Variants in DISC1 observed in about 807,000 individuals in gnomAD.
The protein encoded by DISC1 is disrupted in schizophrenia 1 protein.
A neutral mutation model predicts 84.5 loss-of-function variants in DISC1; 57 were observed. That is an observed-to-expected ratio of 0.67 (90% CI 0.55 to 0.84). The LOEUF (loss-of-function observed/expected upper bound fraction) is 0.84. Among genes scored for constraint, DISC1 ranks in the 40% least tolerant of loss-of-function variants. DISC1 has a pLI of 0.00. For missense variants in DISC1, 1,000 were observed against 1,057.8 expected (o/e 0.95, Z 0.76); for synonymous variants, 411 against 415.2 (o/e 0.99, Z 0.12).
chr1:231,818,340 T>G lies in DISC1; in HGVS notation c.1804T>G (p.Trp602Gly), dbSNP rs1158265964. 3.1e-6 allele frequency: 5 copies of G among 1,613,976 alleles called. No individual in the cohort carries two copies. The highest frequency in any genetic ancestry group is 4.2e-6 in the Non-Finnish European group (5 of 1,179,874). Residue 602 changes from tryptophan to glycine, a missense_variant, in exon 9 of 13, where the codon TGG (tryptophan) becomes GGG (glycine). Around this residue, in one of 3 missense-constraint regions of DISC1, gnomAD observed 397 missense variants for 377.5 expected, o/e 1.05. Coordinates refer to ENST00000439617, the MANE Select transcript of DISC1 (RefSeq NM_018662.3). ...ACAACGTGCTGTAGGAAACCATTTC[T>G]GGACGGCTAAAGACCTCACCGAGGA... is the stretch of plus-strand genomic sequence containing the variant. ...KMHAISGNHFWTAKDLTEEIR... is the reference protein window; with the variant it reads ...KMHAISGNHFGTAKDLTEEIR...
intron 10 of DISC1, among the ~76,000 whole-genome samples, chr1:231,988,913 C>T (rs200950173): frequency 1.7e-4 from 26 of 152,310 alleles, no homozygotes; most frequent in South Asian, 1.4e-3. Flanking sequence ...CCATGTGCCC[C>T]GAACAATGCT....
chr1:231,748,371 G>A (rs560623662), intron 3 of DISC1, among the ~76,000 whole-genome samples: 56 of 152,290 alleles, frequency 3.7e-4, no homozygotes, highest in African/African-American at 1.3e-3. Flanking sequence ...TTCACTGTGT[G>A]TTTGTCAGAT....
chr1:231,782,703 C>T lies in DISC1; in HGVS notation c.1634+11633C>T, dbSNP rs149170375. On this transcript the variant is annotated intron_variant, in intron 6 of 12. Coordinates refer to ENST00000439617, the MANE Select transcript of DISC1 (RefSeq NM_018662.3). The stretch of plus-strand genomic sequence containing the variant: ...CTGTAATCCCAGGACTTTGGGAGGC[C>T]GAGGTGGGAGGATCACTTGAGGTCA... Among the ~76,000 whole-genome samples, 219 of 151,998 alleles carry T rather than the reference C, an allele frequency of 1.4e-3. 2 individuals carry two copies. The highest frequency in any genetic ancestry group is 3.4e-3 in the Middle Eastern group (1 of 294).
intron 3 of DISC1, among the ~76,000 whole-genome samples, chr1:231,737,803 C>T (rs941570783): frequency 1.3e-5 from 2 of 152,236 alleles, no homozygotes; most frequent in Admixed American, 6.5e-5. Context: ...GAGCTGGATA[C>T]ATACGCCCGT....
At chr1:231,821,008 A>C (rs1234380765) in intron 9 of DISC1, among the ~76,000 whole-genome samples, 6 of 152,250 alleles carry the variant, frequency 3.9e-5, no homozygotes, top group African/African-American at 1.4e-4. Context: ...TGCTGCATGC[A>C]TCACTTAAAA....
chr1:231,704,457 A>C (rs537923201), intron 3 of DISC1, among the ~76,000 whole-genome samples: 1 of 152,304 alleles, frequency 6.6e-6, no homozygotes, highest in East Asian at 1.9e-4. Flanking sequence ...TTGGTAATGG[A>C]TTAAAATGCA....
Position 232,026,520 on chromosome 1 carries a change from CA to C in DISC1, c.2394del (p.Ala799GlnfsTer20), listed in dbSNP as rs759245129. 1 of 1,606,202 alleles carries C rather than the reference CA, an allele frequency of 6.2e-7. No homozygotes were observed. The highest frequency in any genetic ancestry group is 1.1e-5 in the South Asian group (1 of 89,058). ...TTGTACTTGGAAGATCAACTTCACA[CA>C]GCAATCCACAGTCATGATGAAGATC... ...KLLYLEDQLH[T>X]AIHSHDEDLI... On this transcript the variant is annotated frameshift_variant, in exon 12 of 13. Transcript: ENST00000439617. LOFTEE classifies it high-confidence loss of function.
chr1:231,803,054 T>G (rs1033528870), intron 8 of DISC1, among the ~76,000 whole-genome samples: 5 of 152,146 alleles, frequency 3.3e-5, no homozygotes, highest in Non-Finnish European at 7.3e-5. Context: ...TGACTTAAAA[T>G]ATTACCAGTT....
chr1:231,891,092 G>A (rs185301936), intron 9 of DISC1, among the ~76,000 whole-genome samples: 61 of 152,212 alleles, frequency 4.0e-4, no homozygotes, highest in African/African-American at 1.3e-3. Context: ...GCTAAACCCT[G>A]CCTTCTACTG....
chr1:232,037,750 TCAGTAA>T lies in DISC1; in HGVS notation c.*924_*929del, dbSNP rs1670610864. 1 of 151,866 alleles carries T rather than the reference TCAGTAA, an allele frequency of 6.6e-6. No homozygotes were observed. The highest frequency in any genetic ancestry group is 2.4e-5 in the African/African-American group (1 of 41,220). 9.4% of individuals were successfully genotyped at this position (151,866 alleles called of 1,614,324 possible). A position where few individuals can be genotyped will look rare whatever the true frequency, so the allele number is the denominator to read the frequency against. On this transcript the variant is annotated 3_prime_UTR_variant, in exon 13 of 13. Coordinates refer to ENST00000439617, the MANE Select transcript of DISC1 (RefSeq NM_018662.3). Reference sequence around the variant, plus strand: ...AGTGCTCAGTAAGGCAGTGCAATACTCAGTAACAGTGTAGTACTCAGTAACAGTGAA... The same window carrying T: ...AGTGCTCAGTAAGGCAGTGCAATACTCAGTGTAGTACTCAGTAACAGTGAA...
chr1:231,839,409 G>A (rs996965134), intron 9 of DISC1, among the ~76,000 whole-genome samples: 1 of 152,154 alleles, frequency 6.6e-6, no homozygotes, highest in African/African-American at 2.4e-5. Flanking sequence ...GTATCATAAG[G>A]ACTCAATAAA....
In DISC1 at chr1:231,900,394, A is replaced by G. The variant is rs74144183; in HGVS notation, c.1982-58434A>G. 7.1e-3 allele frequency among the ~76,000 whole-genome samples: 1,076 copies of G among 152,332 alleles called. 10 individuals carry two copies. Among genetic ancestry groups the G allele is most frequent in the African/African-American group, 0.024 (1,008 of 41,580 alleles). ...CAGTTAGAAAAAGTCATCTAGATCT[A>G]AGGGAAGGCTTCAAATAATTCTCCT... On this transcript the variant is annotated intron_variant, in intron 9 of 12. Transcript: ENST00000439617.
intron 10 of DISC1, among the ~76,000 whole-genome samples, chr1:231,992,460 G>A (rs971235426): frequency 1.2e-4 from 18 of 152,050 alleles, no homozygotes; most frequent in Non-Finnish European, 2.4e-4. Flanking sequence ...TATGTCATTT[G>A]TATTTTGACT....
chr1:231,938,329 G>T (rs2091105415), intron 9 of DISC1, among the ~76,000 whole-genome samples: 1 of 152,172 alleles, frequency 6.6e-6, no homozygotes. Context: ...GGAGCCATGA[G>T]GCAGAGGGAG....
chr1:231,813,868 T>C (rs1270610931), intron 8 of DISC1, among the ~76,000 whole-genome samples: 1 of 152,158 alleles, frequency 6.6e-6, no homozygotes, highest in Non-Finnish European at 1.5e-5. Flanking sequence ...TGTTTTTTCT[T>C]TGGAAGGCAC....
At chr1:231,992,412 CAT>C (rs1665330776) in intron 10 of DISC1, among the ~76,000 whole-genome samples, 1 of 152,116 alleles carries the variant, frequency 6.6e-6, no homozygotes, top group East Asian at 1.9e-4. Flanking sequence ...AAATCTAACT[CAT>C]AGACCATGCA....
chr1:232,028,941 T>G (rs985043105), intron 12 of DISC1, among the ~76,000 whole-genome samples: 2 of 152,144 alleles, frequency 1.3e-5, no homozygotes, highest in South Asian at 4.1e-4. Context: ...AAAACAAGGC[T>G]TGGGAACAAC....
intron 9 of DISC1, among the ~76,000 whole-genome samples, chr1:231,942,276 T>C (rs1323015777): frequency 1.3e-5 from 2 of 152,190 alleles, no homozygotes; most frequent in African/African-American, 4.8e-5. Flanking sequence ...GGGAACCTGC[T>C]GGGTGGCCCT....
At chr1:231,757,332 T>A (rs1558488844) in intron 4 of DISC1, among the ~76,000 whole-genome samples, 1 of 152,222 alleles carries the variant, frequency 6.6e-6, no homozygotes, top group South Asian at 2.1e-4. Context: ...AGAGGGTCTT[T>A]GGTTCCCAGG....
Sources: allele counts gnomAD v4.1 joint callset (sites outside exome capture counted in the v4.1 genomes callset), GRCh38; gene constraint gnomAD v4.1.1; regional missense constraint gnomAD v4.1.1; transcripts MANE v1.5; gene names NCBI Gene and HGNC (gene_info 2026-07-23, HGNC 2026-07-21).